Variants in DMRT1 observed in about 807,000 individuals in gnomAD.
DMRT1 encodes doublesex- and mab-3-related transcription factor 1.
Under a neutral mutation model 32.3 loss-of-function variants are expected in DMRT1, and 7 were observed. The ratio of observed to expected loss-of-function variants is 0.22; its 90% confidence interval spans 0.12 to 0.41. The LOEUF is 0.41. DMRT1 is among the 10% of genes least tolerant of loss of function. The pLI is 1.00. For missense variants in DMRT1, 625 were observed against 500.5 expected (o/e 1.25, Z -2.37); for synonymous variants, 278 against 206.1 (o/e 1.35, Z -2.99).
At chr9:926,999 G>T (rs543649075) in intron 4 of DMRT1, among the ~76,000 whole-genome samples, 1 of 152,328 alleles carries the variant, frequency 6.6e-6, no homozygotes, top group African/African-American at 2.4e-5. Flanking sequence ...GCCCTCCTTG[G>T]ATGTGACACT....
At chr9:885,319 C>G (rs1039285222) in intron 2 of DMRT1, among the ~76,000 whole-genome samples, 2 of 152,198 alleles carry the variant, frequency 1.3e-5, no homozygotes, top group South Asian at 2.1e-4. Context: ...TCCCCTGGTT[C>G]TTGCCTTGGT....
chr9:908,318 C>T (rs4742547), intron 3 of DMRT1, among the ~76,000 whole-genome samples: 4,553 of 152,042 alleles, frequency 0.03, 179 homozygotes, highest in East Asian at 0.17. Context: ...TTTAGCTGGT[C>T]TTGGTGTTGT....
intron 2 of DMRT1, among the ~76,000 whole-genome samples, chr9:885,297 G>C (rs188724835): frequency 4.1e-4 from 62 of 152,300 alleles, no homozygotes; most frequent in African/African-American, 1.4e-3. Flanking sequence ...CAAGGATAGA[G>C]GGCTTTCTGT....
At chr9:902,094 G>A (rs1817604989) in intron 3 of DMRT1, among the ~76,000 whole-genome samples, 1 of 151,214 alleles carries the variant, frequency 6.6e-6, no homozygotes, top group Admixed American at 6.6e-5. Flanking sequence ...ATTTTTAGTC[G>A]AGATGGGGTT....
chr9:964,997 G>A (rs1819888616), intron 4 of DMRT1, among the ~76,000 whole-genome samples: 1 of 152,226 alleles, frequency 6.6e-6, no homozygotes, highest in Non-Finnish European at 1.5e-5. Flanking sequence ...AGAGCGAAAA[G>A]CATCATTTAG....
chr9:902,358 T>C (rs10119256), intron 3 of DMRT1, among the ~76,000 whole-genome samples: 20,924 of 151,744 alleles, frequency 0.14, 3,708 homozygotes, highest in African/African-American at 0.41. Context: ...TTTTTAAGAC[T>C]GCTGCAGTAC....
chr9:916,662 GTGCCC>G, intron 3 of DMRT1, 96 bp from the exon 4 acceptor site: 1 of 1,452,038 alleles, frequency 6.9e-7, no homozygotes, highest in South Asian at 1.2e-5. Flanking sequence ...ATGAGCCACT[GTGCCC>G]AGCCTGTTAC....
intron 4 of DMRT1, among the ~76,000 whole-genome samples, chr9:962,348 G>T (rs1819800790): frequency 6.6e-6 from 1 of 152,112 alleles, no homozygotes; most frequent in South Asian, 2.1e-4. Flanking sequence ...GGCAAGAAGG[G>T]TTTTTTGGAA....
Position 864,322 on chromosome 9 carries a change from G to A in DMRT1, c.538+17179G>A, listed in dbSNP as rs574992138. 2.0e-5 allele frequency among the ~76,000 whole-genome samples: 3 copies of A among 147,812 alleles called. No homozygotes were observed. In the South Asian group the frequency reaches 6.5e-4, roughly 32 times the overall value. On this transcript the variant is annotated intron_variant, in intron 2 of 4. Transcript: ENST00000382276. ...CAGGTTCAAGCGATTCTCCACTTCA[G>A]CCTGCCGAGTAGCTGGGATTAAAGG...
chr9:909,179 A>T (rs1367415949), intron 3 of DMRT1, among the ~76,000 whole-genome samples: 1 of 152,138 alleles, frequency 6.6e-6, no homozygotes, highest in Non-Finnish European at 1.5e-5. Flanking sequence ...AGCTCTGGAC[A>T]CAAAAGGAAA....
intron 3 of DMRT1, among the ~76,000 whole-genome samples, chr9:898,065 G>C (rs548794133): frequency 1.3e-5 from 2 of 152,250 alleles, no homozygotes; most frequent in East Asian, 3.9e-4. Flanking sequence ...TGAAGGGAGA[G>C]AAACTGGATG....
intron 3 of DMRT1, among the ~76,000 whole-genome samples, chr9:901,516 G>A (rs1024552833): frequency 4.0e-5 from 6 of 151,854 alleles, no homozygotes; most frequent in African/African-American, 1.5e-4. Context: ...TAGTAGAAAC[G>A]GGGTTTCACC....
At position 893,945 on chromosome 9, in the gene DMRT1, T is replaced by G; in HGVS notation, c.572T>G (p.Val191Gly). Residue 191 changes from valine to glycine, a missense_variant, in exon 3 of 5, where the codon GTC becomes GGC. Transcript: ENST00000382276. ...GRMVIQDIPA[V>G]TSRGHVENTP... ...ATGGTCATCCAGGATATTCCTGCTG[T>G]CACCAGCAGAGGGCATGTGGAGAAC... The G allele has an allele frequency of 6.2e-7, 1 of 1,614,052 alleles. No homozygotes were observed. Among genetic ancestry groups the G allele is most frequent in the Non-Finnish European group, 8.5e-7 (1 of 1,179,880 alleles).
intron 2 of DMRT1, among the ~76,000 whole-genome samples, chr9:884,536 T>G (rs1300499334): frequency 1.3e-5 from 2 of 152,222 alleles, no homozygotes; most frequent in Non-Finnish European, 2.9e-5. Flanking sequence ...AGCTCTGTTA[T>G]GGTCTGTGGG....
chr9:929,381 C>T (rs1041365758), intron 4 of DMRT1, among the ~76,000 whole-genome samples: 1 of 152,172 alleles, frequency 6.6e-6, no homozygotes, highest in African/African-American at 2.4e-5. Flanking sequence ...TTCCTCCTGC[C>T]TTAGCCTCCA....
chr9:846,928 C>G lies in DMRT1; in HGVS notation c.355-32C>G, dbSNP rs771564292. 3 of 1,613,704 alleles carry G rather than the reference C, an allele frequency of 1.9e-6. No homozygotes were observed. The Admixed American group carries it at 5.0e-5, about 27-fold the overall frequency. On this transcript the variant is annotated intron_variant, in intron 1 of 4. Transcript: ENST00000382276. Reference sequence around the variant, plus strand: ...TTTTGGCAAAGCTGATTCTGGAGTGCTGGAGGATGACTCATTGTCGTGTGC... The same window carrying G: ...TTTTGGCAAAGCTGATTCTGGAGTGGTGGAGGATGACTCATTGTCGTGTGC...
intron 3 of DMRT1, among the ~76,000 whole-genome samples, chr9:898,898 A>G (rs1817469704): frequency 1.3e-5 from 2 of 152,168 alleles, no homozygotes; most frequent in Non-Finnish European, 2.9e-5. Context: ...TAATTCTTAC[A>G]GCCCATGAAC....
chr9:847,913 G>T (rs1482755434), intron 2 of DMRT1, among the ~76,000 whole-genome samples: 1 of 152,158 alleles, frequency 6.6e-6, no homozygotes. Flanking sequence ...GTGCTTAATA[G>T]CCATATACAG....
intron 4 of DMRT1, among the ~76,000 whole-genome samples, chr9:934,369 T>C (rs914806786): frequency 2.6e-5 from 4 of 152,204 alleles, no homozygotes; most frequent in Non-Finnish European, 5.9e-5. Flanking sequence ...TTTGGTGTCA[T>C]ATTTAAGAAA....
Sources: allele counts gnomAD v4.1 joint callset (sites outside exome capture counted in the v4.1 genomes callset), GRCh38; gene constraint gnomAD v4.1.1; transcripts MANE v1.5; gene names NCBI Gene and HGNC (gene_info 2026-07-23, HGNC 2026-07-21).